C1orf159: variants seen among roughly 807,000 people sequenced by gnomAD.
C1orf159 encodes chromosome 1 open reading frame 159.
C1orf159 carries 19 observed loss-of-function variants against 25.6 expected under a neutral mutation model. The observed-to-expected ratio is 0.74, with a 90% confidence interval of 0.52 to 1.09. The LOEUF (loss-of-function observed/expected upper bound fraction) is 1.09, where lower values mean the gene tolerates loss of function less well. Ranked by LOEUF, C1orf159 falls within the 50% of genes least tolerant of loss-of-function variation. The pLI, the probability that C1orf159 is intolerant of heterozygous loss-of-function variation, is 0.00. For missense variants in C1orf159, 274 were observed against 290.6 expected, an observed-to-expected ratio of 0.94 and a Z score of 0.42; for synonymous variants, 139 against 124.7, an observed-to-expected ratio of 1.12 and a Z score of -0.77.
chr1:1,090,517 G>A, intron 3 of C1orf159, 89 bp from the exon 4 acceptor site: 2 of 1,344,168 alleles, frequency 1.5e-6, no homozygotes, highest in African/African-American at 1.4e-5. Flanking sequence ...TGCCGTGGGA[G>A]CACATCTCAA....
At chr1:1,108,268 A>G (rs553704858) in intron 1 of C1orf159, among the ~76,000 whole-genome samples, 1 of 143,572 alleles carries the variant, frequency 7.0e-6, no homozygotes, top group Admixed American at 6.8e-5. Context: ...ATGTCTCAGC[A>G]GCACCGTCCA....
In C1orf159 at chr1:1,082,542, A is replaced by C; in HGVS notation, c.*351T>G. On this transcript the variant is annotated 3_prime_UTR_variant, in exon 10 of 10. Coordinates refer to ENST00000421241, the MANE Select transcript of C1orf159 (RefSeq NM_017891.5). The stretch of plus-strand genomic sequence containing the variant: ...CGGCAGCAGAGCCCCTGGCTTTTCT[A>C]GGCAGAGCGGCACCTGCCCCATAGA... The C allele has an allele frequency of 3.1e-6, 1 of 323,832 alleles. No homozygotes were observed. Among genetic ancestry groups the C allele is most frequent in the Non-Finnish European group, 5.9e-6 (1 of 170,398 alleles). The allele number at this position is 323,832 out of a possible 1,614,324, so 20.1% of individuals were successfully genotyped here. A position where few individuals can be genotyped will look rare whatever the true frequency, so the allele number is the denominator to read the frequency against.
intron 3 of C1orf159, 117 bp downstream of exon 3, chr1:1,091,355 G>A (rs1284800249): frequency 7.9e-6 from 8 of 1,017,244 alleles, no homozygotes; most frequent in Non-Finnish European, 1.2e-5. Context: ...CAGCACCTCT[G>A]GGGCTGGGAC....
At chr1:1,100,475 C>T (rs1431679394) in intron 1 of C1orf159, among the ~76,000 whole-genome samples, 1 of 152,194 alleles carries the variant, frequency 6.6e-6, no homozygotes, top group South Asian at 2.1e-4. Context: ...CTTGTTGCAG[C>T]TGACACACCG....
chr1:1,110,284 G>A lies in C1orf159; in HGVS notation c.-136+5776C>T, dbSNP rs1193047502. Among the ~76,000 whole-genome samples the A allele has an allele frequency of 6.6e-6, 1 of 152,166 alleles. No homozygotes were observed. The highest frequency in any genetic ancestry group is 2.4e-5 in the African/African-American group (1 of 41,422). On this transcript the variant is annotated intron_variant, in intron 1 of 9. Transcript: ENST00000421241. This position sits in a 1 kb window ranked among gnomAD's most constrained non-coding sequence, Gnocchi z 4.8. Reference sequence around the variant, plus strand: ...GAAACTCAATTTTTAAGGTTTCTCTGGGGTCCCCTTGACCAAGAGGGAGCT... The same window carrying A: ...GAAACTCAATTTTTAAGGTTTCTCTAGGGTCCCCTTGACCAAGAGGGAGCT...
intron 1 of C1orf159, among the ~76,000 whole-genome samples, chr1:1,101,802 T>C (rs1034570989): frequency 1.3e-5 from 2 of 152,118 alleles, no homozygotes; most frequent in Non-Finnish European, 2.9e-5. Flanking sequence ...CTGGGTGTGG[T>C]GGCTTACACC....
rs541693419 is a variant in C1orf159 at position 1,103,562 on chromosome 1, A to T, written c.-135-11459T>A. On this transcript the variant is annotated intron_variant, in intron 1 of 9. Coordinates refer to ENST00000421241, the MANE Select transcript of C1orf159 (RefSeq NM_017891.5). The stretch of plus-strand genomic sequence containing the variant: ...GGTGGCTCAGGTCACTGCATGGCAC[A>T]GGGTGCACGCAGGGGTCAGGGGTCT... Among the ~76,000 whole-genome samples the T allele has an allele frequency of 6.6e-5, 10 of 152,352 alleles. No homozygotes were observed. The South Asian group carries it at 2.1e-3, about 32-fold the overall frequency.
In C1orf159 at chr1:1,090,403, T is replaced by C; in HGVS notation, c.98A>G (p.Asp33Gly). Residue 33 changes from aspartate to glycine, a missense_variant, in exon 4 of 10, where the codon GAT (aspartate) becomes GGT (glycine). By Grantham distance (94) the Asp-to-Gly change is moderately conservative. Coordinates refer to ENST00000421241, the MANE Select transcript of C1orf159 (RefSeq NM_017891.5). ...NTAQLPECCV[D>G]VVGVNASCPG... ...GCAGCTGGCGTTGACGCCCACCACA[T>C]CCACACAGCACTCGGGCAGCTGGGC... is the stretch of plus-strand genomic sequence containing the variant. 1 of 1,550,350 alleles carries C rather than the reference T, an allele frequency of 6.5e-7. No homozygotes were observed. The highest frequency in any genetic ancestry group is 8.7e-7 in the Non-Finnish European group (1 of 1,146,914).
At chr1:1,105,340 C>G (rs956346023) in intron 1 of C1orf159, among the ~76,000 whole-genome samples, 1 of 151,608 alleles carries the variant, frequency 6.6e-6, no homozygotes, top group African/African-American at 2.4e-5. Context: ...GGGCAATACA[C>G]CGAAACCCCT....
chr1:1,090,673 G>T (rs370425847), intron 3 of C1orf159: 6 of 694,478 alleles, frequency 8.6e-6, no homozygotes, highest in Non-Finnish European at 7.5e-6. Flanking sequence ...GCTGGGCCTG[G>T]AAGAGTAAAC....
At chr1:1,109,871 T>C (rs892657636) in intron 1 of C1orf159, among the ~76,000 whole-genome samples, 36 of 152,142 alleles carry the variant, frequency 2.4e-4, no homozygotes, top group African/African-American at 8.2e-4. Context: ...ACATCCTCCA[T>C]AGACCAGCAG....
At chr1:1,104,642 T>C (rs1646146694) in intron 1 of C1orf159, among the ~76,000 whole-genome samples, 1 of 152,186 alleles carries the variant, frequency 6.6e-6, no homozygotes, top group Admixed American at 6.5e-5. Context: ...GTAACAAGCC[T>C]GCATGGTCTG....
rs74874948 is a variant in C1orf159, at chr1:1,085,240, C to A, written c.445+638G>T. ...CCCAGCTCGGCTATCACAGTCTGGC[C>A]AAGTGCTCACCTTGGGGTCCGAACT... On this transcript the variant is annotated intron_variant, in intron 7 of 9. Coordinates refer to ENST00000421241, the MANE Select transcript of C1orf159 (RefSeq NM_017891.5). The A allele has an allele frequency of 1.3e-3, 562 of 425,386 alleles. 3 individuals carry two copies. Among genetic ancestry groups the A allele is most frequent in the African/African-American group, 0.011 (529 of 48,996 alleles). 26.4% of individuals were successfully genotyped at this position (425,386 alleles called of 1,614,324 possible).
chr1:1,092,275 G>A (rs1223410331), intron 1 of C1orf159, 172 bp from the exon 2 acceptor site: 2 of 235,642 alleles, frequency 8.5e-6, no homozygotes, highest in South Asian at 4.1e-5. Flanking sequence ...TGTTTCCCCC[G>A]AGCTGGCCTC....
intron 1 of C1orf159, among the ~76,000 whole-genome samples, chr1:1,111,547 A>G (rs991736915): frequency 1.3e-5 from 2 of 152,098 alleles, no homozygotes; most frequent in African/African-American, 4.8e-5. Context: ...AACAACAACA[A>G]AGAACTGGTT....
chr1:1,083,952 G>A, intron 9 of C1orf159: 2 of 1,601,380 alleles, frequency 1.2e-6, no homozygotes, highest in Non-Finnish European at 1.7e-6. Flanking sequence ...CAGCACCACT[G>A]AAGCGATGGC....
intron 9 of C1orf159, 32 bp downstream of exon 9, chr1:1,084,321 A>G (rs755331198): frequency 3.9e-6 from 6 of 1,526,162 alleles, no homozygotes; most frequent in Non-Finnish European, 5.3e-6. Flanking sequence ...GAGATGGGAA[A>G]CCCCACAGGG....
intron 1 of C1orf159, among the ~76,000 whole-genome samples, chr1:1,103,098 C>G (rs570881440): frequency 6.6e-6 from 1 of 152,328 alleles, no homozygotes; most frequent in Admixed American, 6.5e-5. Context: ...CTACCTCAGC[C>G]TCCCAAAGTG....
At chr1:1,105,291 TG>T (rs1646154965) in intron 1 of C1orf159, among the ~76,000 whole-genome samples, 1 of 151,560 alleles carries the variant, frequency 6.6e-6, no homozygotes, top group Non-Finnish European at 1.5e-5. Context: ...AGGCTGAGGC[TG>T]GAGGATCGCT....
Sources: allele counts gnomAD v4.1 joint callset (sites outside exome capture counted in the v4.1 genomes callset), GRCh38; gene constraint gnomAD v4.1.1; non-coding constraint Gnocchi (gnomAD v3.1); transcripts MANE v1.5; gene names NCBI Gene and HGNC (gene_info 2026-07-23, HGNC 2026-07-21).